The following DENND1B variants were observed in gnomAD, a reference collection of about 807,000 sequenced individuals.
DENND1B encodes DENN domain containing 1B.
Under a neutral mutation model 90.1 loss-of-function variants are expected in DENND1B, and 59 were observed. That is an observed-to-expected ratio of 0.65 (90% CI 0.53 to 0.81). DENND1B has a LOEUF of 0.81. Ranked by LOEUF, DENND1B falls within the 40% of genes least tolerant of loss-of-function variation. DENND1B has a pLI of 0.00. For missense variants in DENND1B, 862 were observed against 912.6 expected (o/e 0.94, Z 0.71); for synonymous variants, 337 against 324.6 (o/e 1.04, Z -0.41).
chr1:197,589,842 G>A (rs1170583486), intron 14 of DENND1B, among the ~76,000 whole-genome samples: 1 of 152,172 alleles, frequency 6.6e-6, no homozygotes, highest in Non-Finnish European at 1.5e-5. Context: ...GGAAACACAT[G>A]ACAGCACCTT....
chr1:197,526,321 C>A (rs966421496), intron 20 of DENND1B, among the ~76,000 whole-genome samples: 2 of 151,982 alleles, frequency 1.3e-5, no homozygotes, highest in African/African-American at 4.8e-5. Context: ...ATCAGCATTT[C>A]TTTATCCTAA....
intron 18 of DENND1B, chr1:197,545,720 T>G: frequency 2.1e-6 from 1 of 472,768 alleles, no homozygotes; most frequent in Non-Finnish European, 3.7e-6. Context: ...AGAACCATTT[T>G]TAGATTATAT....
intron 3 of DENND1B, among the ~76,000 whole-genome samples, chr1:197,682,893 A>C (rs977650608): frequency 2.0e-5 from 3 of 152,220 alleles, no homozygotes; most frequent in Non-Finnish European, 4.4e-5. Flanking sequence ...TTTTGGACTT[A>C]ATACAAAGGG....
chr1:197,626,683 G>A (rs1261364572), intron 10 of DENND1B, among the ~76,000 whole-genome samples: 1 of 151,824 alleles, frequency 6.6e-6, no homozygotes, highest in African/African-American at 2.4e-5. Flanking sequence ...AATCAGAGCA[G>A]AACTGAAGGA....
At chr1:197,610,234 TA>T (rs1343125575) in intron 12 of DENND1B, among the ~76,000 whole-genome samples, 2 of 150,726 alleles carry the variant, frequency 1.3e-5, no homozygotes, top group Admixed American at 1.3e-4. Flanking sequence ...CATTTAATAA[TA>T]AGAGCCAATT....
At chr1:197,545,280 C>T (rs1481063967) in intron 18 of DENND1B, among the ~76,000 whole-genome samples, 2 of 152,154 alleles carry the variant, frequency 1.3e-5, no homozygotes, top group East Asian at 2.0e-4. Flanking sequence ...TGGTGGGTGC[C>T]TGTAATCCCA....
At chr1:197,681,998 G>T (rs537264442) in intron 3 of DENND1B, among the ~76,000 whole-genome samples, 2 of 151,438 alleles carry the variant, frequency 1.3e-5, no homozygotes, top group African/African-American at 2.4e-5. Flanking sequence ...GTCCTGCCTG[G>T]AACCTAGTTC....
chr1:197,713,931 C>CATATATTATATGCATATAATATATAA, intron 3 of DENND1B, among the ~76,000 whole-genome samples: 1 of 21,640 alleles, frequency 4.6e-5, no homozygotes, highest in Non-Finnish European at 1.3e-4. Context: ...ATAATATATA[C>CATATATTATATGCATATAATATATAA]ATATATTATA....
chr1:197,773,895 T>C (rs539430363), intron 1 of DENND1B, among the ~76,000 whole-genome samples: 2 of 152,342 alleles, frequency 1.3e-5, no homozygotes, highest in East Asian at 3.9e-4. Context: ...CCTTTGTACA[T>C]TGGCTGTATT....
At position 197,569,427 on chromosome 1, in the gene DENND1B, T is replaced by C. The variant is rs186494692; in HGVS notation, c.1149+13725A>G. Among the ~76,000 whole-genome samples, 234 of 152,224 alleles carry C rather than the reference T, an allele frequency of 1.5e-3. 1 individual carries two copies. Among genetic ancestry groups the C allele is most frequent in the Non-Finnish European group, 6.6e-4 (45 of 67,998 alleles). On this transcript the variant is annotated intron_variant, in intron 15 of 22. Transcript: ENST00000620048. ...TCCAGCAATTCTGCTTCTAGGAATA[T>C]ATCCAAAGGAAATGAAATCAGTATG... is the stretch of plus-strand genomic sequence containing the variant.
intron 7 of DENND1B, among the ~76,000 whole-genome samples, chr1:197,649,438 A>C (rs1417931045): frequency 6.6e-6 from 1 of 152,142 alleles, no homozygotes; most frequent in East Asian, 1.9e-4. Flanking sequence ...TTAGTCTACT[A>C]CTAATAGTAG....
rs776789710 is a variant in DENND1B at position 197,510,791 on chromosome 1, T to A, written c.1997A>T (p.Glu666Val). The A allele has an allele frequency of 3.1e-6, 5 of 1,612,268 alleles. No homozygotes were observed. The African/African-American group carries it at 5.4e-5, about 17-fold the overall frequency. ...AGCACCGAGGTGCTTGTTACTGTTT[T>A]CCTCTTTCAGGATAAACAGAGAATC... ...LTDSLFILKE[E>V]NSNKHLGADN... The change falls in exon 23 of 23, where the codon GAA becomes GTA. Residue 666 changes from glutamate to valine, a missense_variant. By Grantham distance (121) the Glu-to-Val change is moderately radical (BLOSUM62 -2). Transcript: ENST00000620048.
chr1:197,579,647 T>C (rs915078435), intron 15 of DENND1B, among the ~76,000 whole-genome samples: 1 of 152,196 alleles, frequency 6.6e-6, no homozygotes, highest in Non-Finnish European at 1.5e-5. Context: ...GAACTGACTA[T>C]ATGAATTTAA....
chr1:197,733,838 C>T (rs545562009), intron 2 of DENND1B, among the ~76,000 whole-genome samples: 121 of 152,230 alleles, frequency 7.9e-4, no homozygotes, highest in Middle Eastern at 3.4e-3. Context: ...TTTTAGAACT[C>T]AATGCTTTAA....
intron 2 of DENND1B, among the ~76,000 whole-genome samples, chr1:197,731,999 G>T (rs1439611636): frequency 6.6e-6 from 1 of 152,138 alleles, no homozygotes; most frequent in African/African-American, 2.4e-5. Flanking sequence ...ATTCATCATT[G>T]TAAGGCGAGA....
At chr1:197,599,843 C>A (rs544799767) in intron 13 of DENND1B, among the ~76,000 whole-genome samples, 1 of 151,888 alleles carries the variant, frequency 6.6e-6, no homozygotes, top group Non-Finnish European at 1.5e-5. Context: ...CAAATCCTAA[C>A]GAATATGGCA....
At position 197,766,157 on chromosome 1, in the gene DENND1B, T is replaced by A. The variant is rs114615638; in HGVS notation, c.82+6711A>T. On this transcript the variant is annotated intron_variant, in intron 2 of 22. Coordinates refer to ENST00000620048, the MANE Select transcript of DENND1B (RefSeq NM_001195215.2). ...GCTATGTTGCCCAGCCTGGTCTTGA[T>A]CTTCTGACCTCAAGGGATTCTCCCA... Among the ~76,000 whole-genome samples the A allele has an allele frequency of 9.1e-3, 1,388 of 152,280 alleles. 20 individuals carry two copies. The highest frequency in any genetic ancestry group is 0.03 in the African/African-American group (1,267 of 41,564).
At chr1:197,676,694 C>G (rs1298460834) in intron 3 of DENND1B, among the ~76,000 whole-genome samples, 1 of 151,938 alleles carries the variant, frequency 6.6e-6, no homozygotes, top group Non-Finnish European at 1.5e-5. Context: ...GAATAGAATA[C>G]AAAATTATGA....
At chr1:197,583,901 T>A (rs1008882013) in intron 14 of DENND1B, among the ~76,000 whole-genome samples, 6 of 152,186 alleles carry the variant, frequency 3.9e-5, no homozygotes, top group Non-Finnish European at 7.3e-5. Flanking sequence ...TTTTTTCTAT[T>A]TATTCCTTTG....
Sources: allele counts gnomAD v4.1 joint callset (sites outside exome capture counted in the v4.1 genomes callset), GRCh38; gene constraint gnomAD v4.1.1; transcripts MANE v1.5; gene names NCBI Gene and HGNC (gene_info 2026-07-23, HGNC 2026-07-21).